Variants in MMP28 observed in about 807,000 individuals in gnomAD.
The protein encoded by MMP28 is matrix metalloproteinase-28.
Under a neutral mutation model 60.5 loss-of-function variants are expected in MMP28, and 55 were observed. The ratio of observed to expected loss-of-function variants is 0.91; its 90% CI spans 0.73 to 1.14. The LOEUF is 1.14. Ranked by LOEUF, MMP28 falls within the 50% of genes most tolerant of loss-of-function variation. MMP28 has a pLI of 0.00. For synonymous variants in MMP28, 318 were observed against 312.5 expected, an observed-to-expected ratio of 1.02 and a Z score of -0.18; for missense variants, 686 against 738.3, an observed-to-expected ratio of 0.93 and a Z score of 0.82.
chr17:35,795,502 G>T lies in MMP28; in HGVS notation c.-125C>A. 1.6e-6 allele frequency: 1 copy of T among 622,122 alleles called. No homozygotes were observed. The highest frequency in any genetic ancestry group is 2.4e-6 in the Non-Finnish European group (1 of 415,570). 38.5% of individuals were successfully genotyped at this position (622,122 alleles called of 1,614,324 possible). On this transcript the variant is annotated 5_prime_UTR_variant, in exon 1 of 8. Coordinates refer to ENST00000605424, the MANE Select transcript of MMP28 (RefSeq NM_024302.5). ...CGCCGCCCCCGCACGGAGAGGGACT[G>T]TCCCGGGGTTTCGCCAGTGCCCTAG... is the stretch of plus-strand genomic sequence containing the variant.
Position 35,776,173 on chromosome 17 carries a change from C to T in MMP28, c.379+2715G>A, listed in dbSNP as rs2086323151. ...ACAGGTGTGAGCCACCGCGCCCAGG[C>T]TTTTTCTTTTTTTTTTGAGACAGAG... is the stretch of plus-strand genomic sequence containing the variant. On this transcript the variant is annotated intron_variant, in intron 3 of 7. Transcript: ENST00000605424. Among the ~76,000 whole-genome samples the T allele has an allele frequency of 2.8e-5, 4 of 142,910 alleles. No individual in the cohort carries two copies. The Admixed American group carries it at 2.8e-4, about 10-fold the overall frequency. The allele number at this position is 142,910 out of a possible 152,430, so 93.8% of individuals were successfully genotyped here.
At chr17:35,760,613 GAGATACCATGCTGAACATC>G (rs2085799627) in intron 2 of MMP28, among the ~76,000 whole-genome samples, 1 of 152,242 alleles carries the variant, frequency 6.6e-6, no homozygotes, top group Non-Finnish European at 1.5e-5. Flanking sequence ...GAGGGTCAGA[GAGATACCATGCTGAACATC>G]AGATAACTTT....
At chr17:35,768,013 G>T in intron 6 of MMP28, 94 bp from the exon 7 acceptor site, 1 of 1,421,018 alleles carries the variant, frequency 7.0e-7, no homozygotes, top group Non-Finnish European at 9.5e-7. Flanking sequence ...TTCCCAAATG[G>T]ACAAGCATAG....
chr17:35,784,109 C>T (rs577636960), intron 1 of MMP28, among the ~76,000 whole-genome samples: 10 of 151,924 alleles, frequency 6.6e-5, no homozygotes, highest in African/African-American at 2.2e-4. Context: ...GGTGAAACCC[C>T]GTCTCTACTA....
chr17:35,778,847 A>T (rs956956123), intron 3 of MMP28, 41 bp downstream of exon 3: 4 of 1,613,904 alleles, frequency 2.5e-6, no homozygotes, highest in African/African-American at 1.3e-5. Context: ...GCTTCAAGAC[A>T]TTGGGAAATC....
At chr17:35,764,582 G>A (rs372143156), downstream of MMP28, 9 of 1,593,534 alleles carry the variant, frequency 5.6e-6, no homozygotes, top group South Asian at 9.0e-5. Context: ...TGGATCACCC[G>A]GATCTGGGTA....
At chr17:35,763,421 T>C (rs1325515209), downstream of MMP28, among the ~76,000 whole-genome samples, 2 of 147,726 alleles carry the variant, frequency 1.4e-5, no homozygotes, top group African/African-American at 5.0e-5. Context: ...ACCACAGGTG[T>C]ACACCACCAT....
rs981841842 is a variant in MMP28 at position 35,776,126 on chromosome 17, G to A, written c.380-2722C>T. On this transcript the variant is annotated intron_variant, in intron 3 of 7. Transcript: ENST00000605424. ...CCTGACCTCATGATCTGCCCGCCTC[G>A]TCCTCCCAAAGTGCTGGGATTACAG... is the stretch of plus-strand genomic sequence containing the variant. 2.6e-5 allele frequency among the ~76,000 whole-genome samples: 4 copies of A among 150,996 alleles called. No homozygotes were observed. The East Asian group carries it at 5.9e-4, about 22-fold the overall frequency.
chr17:35,770,448 C>A, intron 4 of MMP28, 136 bp from the exon 5 acceptor site: 1 of 1,178,994 alleles, frequency 8.5e-7, no homozygotes, highest in Non-Finnish European at 1.1e-6. Context: ...CTGGCAGAAC[C>A]TGAAGTGTGC....
Position 35,778,999 on chromosome 17 carries a change from G to A in MMP28, c.268C>T (p.Arg90Cys), listed in dbSNP as rs545716418. 3.5e-5 allele frequency: 56 copies of A among 1,614,056 alleles called. 1 individual carries two copies. The highest frequency in any genetic ancestry group is 2.4e-4 in the South Asian group (22 of 91,080). Residue 90 changes from arginine to cysteine, a missense_variant, in exon 3 of 8, where the codon CGC (arginine) becomes TGC (cysteine). Coordinates refer to ENST00000605424, the MANE Select transcript of MMP28 (RefSeq NM_024302.5). ...RATLRQMTRP[R>C]CGVTDTNSYA... is the part of the protein sequence containing the mutation. ...CTGTTGGTATCTGTAACCCCGCAGC[G>A]GGGACGAGTCATCTGGCGCAGGGTG...
intron 1 of MMP28, among the ~76,000 whole-genome samples, chr17:35,783,583 G>A (rs777195385): frequency 8.5e-5 from 13 of 152,160 alleles, no homozygotes; most frequent in Non-Finnish European, 1.8e-4. Flanking sequence ...GTCACAGGTC[G>A]GCATGGCTGG....
At chr17:35,778,330 C>T (rs913863342) in intron 3 of MMP28, among the ~76,000 whole-genome samples, 2 of 151,632 alleles carry the variant, frequency 1.3e-5, no homozygotes, top group African/African-American at 2.4e-5. Context: ...TGCTAATGGG[C>T]ATGGGGTTTC....
intron 1 of MMP28, among the ~76,000 whole-genome samples, chr17:35,780,937 G>A (rs146796930): frequency 2.8e-4 from 42 of 152,262 alleles, no homozygotes; most frequent in Middle Eastern, 3.4e-3. Flanking sequence ...ACTTCACATC[G>A]GAAGGTCAGG....
At chr17:35,778,605 C>A in intron 3 of MMP28, 1 of 560,552 alleles carries the variant, frequency 1.8e-6, no homozygotes, top group Non-Finnish European at 3.0e-6. Context: ...AACAGTTTAT[C>A]TGCCCTGCAT....
downstream of MMP28, among the ~76,000 whole-genome samples, chr17:35,762,724 C>G (rs782665365): frequency 4.6e-5 from 7 of 152,144 alleles, no homozygotes; most frequent in Non-Finnish European, 8.8e-5. Context: ...GCCCACCCGC[C>G]TGCCCACCCC....
intron 1 of MMP28, among the ~76,000 whole-genome samples, chr17:35,792,188 C>G (rs551377893): frequency 3.0e-4 from 45 of 152,228 alleles, no homozygotes; most frequent in African/African-American, 8.9e-4. Flanking sequence ...TCTCAGCAAT[C>G]GTGGGGTCTA....
chr17:35,775,055 G>A (rs1428795366), intron 3 of MMP28, among the ~76,000 whole-genome samples: 1 of 152,186 alleles, frequency 6.6e-6, no homozygotes, highest in Admixed American at 6.5e-5. Flanking sequence ...AGAAGAGGGG[G>A]TGGCGGGCAG....
chr17:35,773,201 C>A lies in MMP28; in HGVS notation c.583G>T (p.Gly195Cys). The A allele has an allele frequency of 6.2e-7, 1 of 1,613,954 alleles. No individual in the cohort carries two copies. The highest frequency in any genetic ancestry group is 8.5e-7 in the Non-Finnish European group (1 of 1,179,854). ...FFQGDHNDGL[G>C]NAFDGPGGAL... Reference sequence around the variant, plus strand: ...GCACCTGGGCCATCAAAGGCATTGCCCAGCCCATCGTTGTGGTCCCCTTGG... The same window carrying A: ...GCACCTGGGCCATCAAAGGCATTGCACAGCCCATCGTTGTGGTCCCCTTGG... Residue 195 changes from glycine to cysteine, a missense_variant, in exon 4 of 8, where the codon GGC becomes TGC. Coordinates refer to ENST00000605424, the MANE Select transcript of MMP28 (RefSeq NM_024302.5).
chr17:35,783,017 A>C (rs1228152957), intron 1 of MMP28, among the ~76,000 whole-genome samples: 3 of 151,864 alleles, frequency 2.0e-5, no homozygotes, highest in African/African-American at 7.3e-5. Context: ...TAGTAGAGAC[A>C]GGGTTTCACC....
Sources: gnomAD v4.1 joint callset for allele counts (sites outside exome capture counted in the v4.1 genomes callset) on GRCh38, gnomAD v4.1.1 for gene constraint, MANE v1.5 for transcripts, NCBI Gene and HGNC (gene_info 2026-07-23, HGNC 2026-07-21) for gene names.